TRIM71: variants seen among roughly 807,000 people sequenced by gnomAD.
TRIM71 encodes tripartite motif containing 71, also known as E3 ubiquitin-protein ligase TRIM71.
Under a neutral mutation model 61.2 loss-of-function variants are expected in TRIM71, and 9 were observed. The ratio of observed to expected loss-of-function variants is 0.15; its 90% CI spans 0.09 to 0.26. The LOEUF (loss-of-function observed/expected upper bound fraction) is 0.26. Ranked by LOEUF, TRIM71 falls within the 10% of genes least tolerant of loss-of-function variation. The pLI, the probability that TRIM71 is intolerant of heterozygous loss-of-function variation, is 1.00. For synonymous variants in TRIM71, 645 were observed against 553.2 expected (o/e 1.17, Z -2.33); for missense variants, 998 against 1,238.7 (o/e 0.81, Z 2.92).
chr3:32,834,798 C>T lies in TRIM71; in HGVS notation c.852+15866C>T, dbSNP rs147923618. Among the ~76,000 whole-genome samples the T allele has an allele frequency of 7.6e-4, 116 of 152,160 alleles. 2 individuals are homozygous for T. In the East Asian group the frequency reaches 0.018, roughly 23 times the overall value. ...TGGAGGTTGCAGTGAGCCGAGATCG[C>T]ACGGCTGCACTCCAGCCTGGTGACA... is the stretch of plus-strand genomic sequence containing the variant. On this transcript the variant is annotated intron_variant, in intron 1 of 3. Coordinates refer to ENST00000383763, the MANE Select transcript of TRIM71 (RefSeq NM_001039111.3).
chr3:32,896,949 G>C lies in TRIM71; in HGVS notation c.*5138G>C, dbSNP rs1697084272. 6.6e-6 allele frequency: 1 copy of C among 151,230 alleles called. No homozygotes were observed. The highest frequency in any genetic ancestry group is 2.1e-4 in the South Asian group (1 of 4,748). The allele number at this position is 151,230 out of a possible 1,614,324, so 9.4% of individuals were successfully genotyped here. On this transcript the variant is annotated 3_prime_UTR_variant, in exon 4 of 4. Coordinates refer to ENST00000383763, the MANE Select transcript of TRIM71 (RefSeq NM_001039111.3). ...CAGAGGAAGATTTTTCACATTTCTGGGGTTTTCTTGCTTTTAGGGTGGTAA... is the reference window on the plus strand; with the variant it reads ...CAGAGGAAGATTTTTCACATTTCTGCGGTTTTCTTGCTTTTAGGGTGGTAA...
intron 1 of TRIM71, among the ~76,000 whole-genome samples, chr3:32,859,823 G>A (rs1696645057): frequency 6.6e-6 from 1 of 152,130 alleles, no homozygotes; most frequent in African/African-American, 2.4e-5. Context: ...AAGGGACTGG[G>A]ACTTTATTTC....
At position 32,885,747 on chromosome 3, in the gene TRIM71, T is replaced by C. The variant is rs73827075; in HGVS notation, c.1021-187T>C. ...AAATCCAGCTCTTGCCAGCAACTCC[T>C]TTAGTTACATGTCAAACAGATGCCA... is the stretch of plus-strand genomic sequence containing the variant. On this transcript the variant is annotated intron_variant, in intron 2 of 3. Transcript: ENST00000383763. Among the ~76,000 whole-genome samples, 1,072 of 152,322 alleles carry C rather than the reference T, an allele frequency of 7.0e-3. 13 individuals are homozygous for C. Among genetic ancestry groups the C allele is most frequent in the African/African-American group, 0.025 (1,028 of 41,560 alleles).
At chr3:32,839,661 T>C (rs13092733) in intron 1 of TRIM71, among the ~76,000 whole-genome samples, 1 of 78,500 alleles carries the variant, frequency 1.3e-5, no homozygotes, top group Admixed American at 1.2e-4. Flanking sequence ...GAGCTTTTTT[T>C]GGGGGGGGGG....
chr3:32,885,405 T>C (rs1311934356), intron 2 of TRIM71, among the ~76,000 whole-genome samples: 1 of 152,184 alleles, frequency 6.6e-6, no homozygotes, highest in African/African-American at 2.4e-5. Flanking sequence ...TCGGGGGATA[T>C]TCCCAGTGTG....
At chr3:32,887,055 C>T (rs1696968990) in intron 3 of TRIM71, among the ~76,000 whole-genome samples, 1 of 152,132 alleles carries the variant, frequency 6.6e-6, no homozygotes, top group South Asian at 2.1e-4. Flanking sequence ...TCAGATGTCC[C>T]CATGGGTCTG....
intron 1 of TRIM71, among the ~76,000 whole-genome samples, chr3:32,849,212 G>C (rs1370078052): frequency 6.6e-6 from 1 of 152,140 alleles, no homozygotes; most frequent in Non-Finnish European, 1.5e-5. Context: ...GCTACTACTT[G>C]GTAGTTAAAC....
rs149549338 is a variant in TRIM71, at chr3:32,829,235, A to G, written c.852+10303A>G. ...GTTTTGCTCTTGTTGCCCAGGCTGG[A>G]GTGGAATGGCACGATCTTGGCTCAC... On this transcript the variant is annotated intron_variant, in intron 1 of 3. Coordinates refer to ENST00000383763, the MANE Select transcript of TRIM71 (RefSeq NM_001039111.3). Among the ~76,000 whole-genome samples the G allele has an allele frequency of 7.4e-3, 946 of 128,520 alleles. 15 individuals are homozygous for G. Among genetic ancestry groups the G allele is most frequent in the African/African-American group, 0.026 (859 of 32,794 alleles). The allele number at this position is 128,520 out of a possible 152,430, so 84.3% of individuals were successfully genotyped here. A position where few individuals can be genotyped will look rare whatever the true frequency, so the allele number is the denominator to read the frequency against.
Position 32,893,482 on chromosome 3 carries a change from T to C in TRIM71, c.*1671T>C, listed in dbSNP as rs141279234. ...GTCAGAACCCAGTGGGTTCCTGCAA[T>C]GCCCCAAATACTGAAATAAGAACCA... is the stretch of plus-strand genomic sequence containing the variant. On this transcript the variant is annotated 3_prime_UTR_variant, in exon 4 of 4. Coordinates refer to ENST00000383763, the MANE Select transcript of TRIM71 (RefSeq NM_001039111.3). 2 of 152,266 alleles carry C rather than the reference T, an allele frequency of 1.3e-5. No homozygotes were observed. The highest frequency in any genetic ancestry group is 4.8e-5 in the African/African-American group (2 of 41,542). 9.4% of individuals were successfully genotyped at this position (152,266 alleles called of 1,614,324 possible).
intron 2 of TRIM71, among the ~76,000 whole-genome samples, chr3:32,883,948 G>T (rs895080283): frequency 6.6e-6 from 1 of 152,178 alleles, no homozygotes; most frequent in Non-Finnish European, 1.5e-5. Context: ...ACTGGGTTTG[G>T]AAATTTAGGG....
intron 2 of TRIM71, among the ~76,000 whole-genome samples, chr3:32,885,352 G>A (rs555424582): frequency 1.3e-5 from 2 of 152,208 alleles, no homozygotes; most frequent in African/African-American, 2.4e-5. Flanking sequence ...GTGTGATGAC[G>A]TGTAGATGGT....
Position 32,891,990 on chromosome 3 carries a change from A to G in TRIM71, c.*179A>G, listed in dbSNP as rs1697032247. 4.6e-6 allele frequency: 4 copies of G among 862,494 alleles called. No individual in the cohort carries two copies. Among genetic ancestry groups the G allele is most frequent in the Non-Finnish European group, 6.7e-6 (4 of 599,494 alleles). The allele number at this position is 862,494 out of a possible 1,614,324, so 53.4% of individuals were successfully genotyped here. On this transcript the variant is annotated 3_prime_UTR_variant, in exon 4 of 4. Coordinates refer to ENST00000383763, the MANE Select transcript of TRIM71 (RefSeq NM_001039111.3). This position sits in a 1 kb window ranked among gnomAD's most constrained non-coding sequence, Gnocchi z 8.2. ...TACAACATTGCTTAAGTCCTACCTCATCTTTATTTTTTTACAGATGAATGT... is the reference window on the plus strand; with the variant it reads ...TACAACATTGCTTAAGTCCTACCTCGTCTTTATTTTTTTACAGATGAATGT...
At chr3:32,864,793 G>T (rs116467757) in intron 1 of TRIM71, among the ~76,000 whole-genome samples, 2 of 151,728 alleles carry the variant, frequency 1.3e-5, no homozygotes, top group East Asian at 1.9e-4. Context: ...CATGTGTGTT[G>T]TCCCCCAGTT....
chr3:32,840,171 A>G (rs1204877005), intron 1 of TRIM71, among the ~76,000 whole-genome samples: 2 of 152,152 alleles, frequency 1.3e-5, no homozygotes, highest in Non-Finnish European at 2.9e-5. Context: ...TCAGTGGAAG[A>G]GTGCACCAGC....
chr3:32,897,210 TAAAC>T lies in TRIM71; in HGVS notation c.*5402_*5405del, dbSNP rs999375341. On this transcript the variant is annotated 3_prime_UTR_variant, in exon 4 of 4. Transcript: ENST00000383763. ...TCTTTTTGTCTTTTTTTTTTTTAAA[TAAAC>T]AATTGGGGGAATTAATGTGGGCAAG... is the stretch of plus-strand genomic sequence containing the variant. 6.6e-6 allele frequency: 1 copy of T among 151,898 alleles called. No individual in the cohort carries two copies. Among genetic ancestry groups the T allele is most frequent in the African/African-American group, 2.4e-5 (1 of 41,334 alleles). The allele number at this position is 151,898 out of a possible 1,614,324, so 9.4% of individuals were successfully genotyped here.
intron 1 of TRIM71, among the ~76,000 whole-genome samples, chr3:32,858,321 G>A (rs942429496): frequency 5.9e-5 from 9 of 152,200 alleles, no homozygotes; most frequent in African/African-American, 9.7e-5. Flanking sequence ...GAGCAAACCT[G>A]CCCAGACTGA....
intron 1 of TRIM71, among the ~76,000 whole-genome samples, chr3:32,866,735 G>A (rs569535058): frequency 5.3e-5 from 8 of 152,264 alleles, no homozygotes; most frequent in African/African-American, 1.9e-4. Context: ...AGGGGAGCAG[G>A]TGATAGAAGG....
At chr3:32,854,130 AGGCATGTGCCAC>A (rs1696570603) in intron 1 of TRIM71, among the ~76,000 whole-genome samples, 1 of 152,204 alleles carries the variant, frequency 6.6e-6, no homozygotes, top group Non-Finnish European at 1.5e-5. Flanking sequence ...CTGGAATGAC[AGGCATGTGCCAC>A]CATGCCTGGC....
intron 2 of TRIM71, among the ~76,000 whole-genome samples, chr3:32,877,961 T>C (rs916320943): frequency 3.3e-5 from 5 of 152,222 alleles, no homozygotes; most frequent in African/African-American, 7.2e-5. Context: ...CCAGTTTTAG[T>C]ATATGTGCTG....
Sources: gnomAD v4.1 joint callset for allele counts (sites outside exome capture counted in the v4.1 genomes callset) on GRCh38, gnomAD v4.1.1 for gene constraint, Gnocchi (gnomAD v3.1) non-coding constraint, MANE v1.5 for transcripts, NCBI Gene and HGNC (gene_info 2026-07-23, HGNC 2026-07-21) for gene names.